Variants in EIF2AK3 observed in about 807,000 individuals in gnomAD.
The protein encoded by EIF2AK3 is eukaryotic translation initiation factor 2 alpha kinase 3, also known as eukaryotic translation initiation factor 2-alpha kinase 3.
Under a neutral mutation model 113.5 loss-of-function variants are expected in EIF2AK3, and 50 were observed. The ratio of observed to expected loss-of-function variants is 0.44; its 90% CI spans 0.35 to 0.56. The LOEUF is 0.56. Ranked by LOEUF, EIF2AK3 falls within the 20% of genes least tolerant of loss-of-function variation. EIF2AK3 has a pLI of 0.00. For synonymous variants in EIF2AK3, 448 were observed against 495.4 expected (o/e 0.90, Z 1.27); for missense variants, 1,185 against 1,378.0 (o/e 0.86, Z 2.22).
chr2:88,622,669 T>G (rs1198970728), intron 1 of EIF2AK3, among the ~76,000 whole-genome samples: 1 of 152,246 alleles, frequency 6.6e-6, no homozygotes, highest in Non-Finnish European at 1.5e-5. Context: ...TCCTTAAAGG[T>G]GACTGTTAGT....
chr2:88,595,558 GA>G lies in EIF2AK3; in HGVS notation c.543del (p.Glu183AsnfsTer18). The G allele has an allele frequency of 6.2e-7, 1 of 1,613,946 alleles. No homozygotes were observed. The highest frequency in any genetic ancestry group is 8.5e-7 in the Non-Finnish European group (1 of 1,179,952). On this transcript the variant is annotated frameshift_variant, in exon 3 of 17. Coordinates refer to ENST00000303236, the MANE Select transcript of EIF2AK3 (RefSeq NM_004836.7). LOFTEE classifies it high-confidence loss of function. ...TCTCCAAATTTATAAGAAGATTCAA[GA>G]AGTGATTCAACTGTGAAAGGAACTG... ...METVPFTVES[L>X]LESSYKFGDD...
intron 14 of EIF2AK3, among the ~76,000 whole-genome samples, chr2:88,564,889 G>A (rs1674066322): frequency 6.6e-6 from 1 of 152,206 alleles, no homozygotes; most frequent in East Asian, 1.9e-4. Context: ...AATAGGACTG[G>A]GTGAGAGAGG....
chr2:88,584,094 CTG>C (rs1433399728), intron 9 of EIF2AK3, among the ~76,000 whole-genome samples: 1 of 152,178 alleles, frequency 6.6e-6, no homozygotes, highest in Non-Finnish European at 1.5e-5. Flanking sequence ...AATTGGGGCA[CTG>C]TGGGTCACCT....
intron 6 of EIF2AK3, among the ~76,000 whole-genome samples, chr2:88,589,204 A>G (rs527397603): frequency 1.2e-4 from 18 of 152,228 alleles, no homozygotes; most frequent in Non-Finnish European, 1.2e-4. Context: ...CAAAACAAAT[A>G]GCTTACACTA....
At chr2:88,622,812 T>G (rs1222877425) in intron 1 of EIF2AK3, among the ~76,000 whole-genome samples, 1 of 152,198 alleles carries the variant, frequency 6.6e-6, no homozygotes, top group Non-Finnish European at 1.5e-5. Context: ...AAAAAATGAT[T>G]ATAAATCTGA....
chr2:88,575,281 A>G lies in EIF2AK3; in HGVS notation c.2202T>C (p.Ser734=). ...VGISCDQTSS[S]ESQFSPLEFS... The stretch of plus-strand genomic sequence containing the variant: ...ATTCCAGTGGTGAGAACTGGCTCTC[A>G]GATGAACTTGTCTGGTCACAGGAAA... Residue 734 remains serine, a synonymous_variant, in exon 13 of 17, where the codon TCT becomes TCC. Transcript: ENST00000303236. 1 of 1,614,172 alleles carries G rather than the reference A, an allele frequency of 6.2e-7. No individual in the cohort carries two copies. Among genetic ancestry groups the G allele is most frequent in the Non-Finnish European group, 8.5e-7 (1 of 1,180,004 alleles).
In EIF2AK3 at chr2:88,601,834, C is replaced by CTTT. The variant is rs59987968; in HGVS notation, c.439-6174_439-6172dup. On this transcript the variant is annotated intron_variant, in intron 2 of 16. Transcript: ENST00000303236. ...TCTGCATTTATTAGTTAAGATTTTT[C>CTTT]TTTTTTTTTTTTTTTTTTTTTGCTT... Among the ~76,000 whole-genome samples the CTTT allele has an allele frequency of 1.4e-3, 104 of 74,852 alleles. 3 individuals carry two copies. Among genetic ancestry groups the CTTT allele is most frequent in the African/African-American group, 4.0e-3 (75 of 18,788 alleles). The allele number at this position is 74,852 out of a possible 152,430, so 49.1% of individuals were successfully genotyped here.
intron 1 of EIF2AK3, among the ~76,000 whole-genome samples, chr2:88,618,641 GT>G (rs1465661303): frequency 5.3e-5 from 8 of 152,214 alleles, no homozygotes; most frequent in African/African-American, 1.9e-4. Context: ...TGCAAACACT[GT>G]TTTACCTTAG....
At chr2:88,576,922 AAAT>A (rs932822381) in intron 11 of EIF2AK3, among the ~76,000 whole-genome samples, 2 of 152,348 alleles carry the variant, frequency 1.3e-5, no homozygotes. Flanking sequence ...GAAAACAGAA[AAAT>A]AATAAAATAG....
At chr2:88,622,756 C>T (rs990488665) in intron 1 of EIF2AK3, among the ~76,000 whole-genome samples, 1 of 152,022 alleles carries the variant, frequency 6.6e-6, no homozygotes, top group Non-Finnish European at 1.5e-5. Flanking sequence ...ACATGGTATT[C>T]TGATATGCTA....
intron 2 of EIF2AK3, among the ~76,000 whole-genome samples, chr2:88,598,301 T>C (rs1218073777): frequency 6.6e-6 from 1 of 152,168 alleles, no homozygotes. Context: ...GAAACTTTGA[T>C]GAAGAACAGA....
rs1223196466 is a variant in EIF2AK3, at chr2:88,585,918, T to C, written c.1573A>G (p.Ile525Val). Reference sequence around the variant, plus strand: ...ATACAAAACAAAATCGTTGCAACTATTTCTTTCCACCAGTGTAAAAGAAGA... The same window carrying C: ...ATACAAAACAAAATCGTTGCAACTACTTCTTTCCACCAGTGTAAAAGAAGA... ...PVLLLHWWKE[I>V]VATILFCIIA... The change falls in exon 9 of 17, where the codon ATA (isoleucine) becomes GTA (valine). Residue 525 changes from isoleucine to valine, a missense_variant. Around this residue, in one of 3 missense-constraint regions of EIF2AK3, gnomAD observed 877 missense variants for 1,024.2 expected, o/e 0.86. Transcript: ENST00000303236. 1 of 1,614,048 alleles carries C rather than the reference T, an allele frequency of 6.2e-7. No individual in the cohort carries two copies. The highest frequency in any genetic ancestry group is 2.2e-5 in the East Asian group (1 of 44,886).
At chr2:88,580,604 G>T (rs780675080) in intron 10 of EIF2AK3, among the ~76,000 whole-genome samples, 10 of 152,248 alleles carry the variant, frequency 6.6e-5, no homozygotes, top group Middle Eastern at 6.8e-3. Flanking sequence ...CAATGGGTGG[G>T]CACTACCTGA....
At chr2:88,613,208 A>G (rs1337445123) in intron 2 of EIF2AK3, among the ~76,000 whole-genome samples, 1 of 152,148 alleles carries the variant, frequency 6.6e-6, no homozygotes, top group Non-Finnish European at 1.5e-5. Flanking sequence ...TTTCCCCTCT[A>G]CTATTCTAGA....
In EIF2AK3 at chr2:88,574,924, C is replaced by A. The variant is rs1674413491; in HGVS notation, c.2559G>T (p.Leu853Phe). Residue 853 changes from leucine (L) to phenylalanine (F), a missense_variant, in exon 13 of 17, where the codon TTG (leucine) becomes TTT (phenylalanine). By Grantham distance (22) the Leu-to-Phe change is conservative. Around this residue, in one of 3 missense-constraint regions of EIF2AK3, gnomAD observed 877 missense variants for 1,024.2 expected, o/e 0.86. Coordinates refer to ENST00000303236, the MANE Select transcript of EIF2AK3 (RefSeq NM_004836.7). ...TSSKSSSEAT[L>F]SISPPRPTTL... is the part of the protein sequence containing the mutation. ...TGGTTGGTCTTGGAGGAGAAATAGA[C>A]AATGTAGCTTCAGAAGAAGATTTGC... is the stretch of plus-strand genomic sequence containing the variant. The A allele has an allele frequency of 1.9e-6, 3 of 1,614,042 alleles. No homozygotes were observed. The African/African-American group carries it at 4.0e-5, about 22-fold the overall frequency.
chr2:88,623,599 C>T (rs920820691), intron 1 of EIF2AK3, among the ~76,000 whole-genome samples: 7 of 152,242 alleles, frequency 4.6e-5, no homozygotes, highest in East Asian at 1.9e-4. Context: ...TCATAGTAAA[C>T]GCTTGGTTAA....
At position 88,597,701 on chromosome 2, in the gene EIF2AK3, G is replaced by A. The variant is rs540802772; in HGVS notation, c.439-2038C>T. Reference sequence around the variant, plus strand: ...TATCTAGCCTTCAACCTAGCATCATGTATTTTTTTGCTTTGAAATCTAAGA... The same window carrying A: ...TATCTAGCCTTCAACCTAGCATCATATATTTTTTTGCTTTGAAATCTAAGA... On this transcript the variant is annotated intron_variant, in intron 2 of 16. Transcript: ENST00000303236. 1.4e-4 allele frequency among the ~76,000 whole-genome samples: 22 copies of A among 152,232 alleles called. No individual in the cohort carries two copies. In the South Asian group the frequency reaches 2.9e-3, roughly 20 times the overall value.
intron 14 of EIF2AK3, among the ~76,000 whole-genome samples, chr2:88,567,980 T>G (rs1372184140): frequency 6.6e-6 from 1 of 152,242 alleles, no homozygotes; most frequent in Non-Finnish European, 1.5e-5. Context: ...TTTTTTCTTT[T>G]TTTTGAGACA....
At chr2:88,596,287 G>T (rs1360580277) in intron 2 of EIF2AK3, among the ~76,000 whole-genome samples, 2 of 152,122 alleles carry the variant, frequency 1.3e-5, no homozygotes, top group African/African-American at 4.8e-5. Flanking sequence ...GTTCTCGGTT[G>T]CCCTCCCTTC....
Sources: allele counts gnomAD v4.1 joint callset (sites outside exome capture counted in the v4.1 genomes callset), GRCh38; gene constraint gnomAD v4.1.1; regional missense constraint gnomAD v4.1.1; transcripts MANE v1.5; gene names NCBI Gene and HGNC (gene_info 2026-07-23, HGNC 2026-07-21).